The following CSMD1 variants were observed in gnomAD, a reference collection of about 807,000 sequenced individuals.
The protein encoded by CSMD1 is CUB and sushi domain-containing protein 1.
In CSMD1, 213 loss-of-function variants were observed where a neutral mutation model predicts 417.5. The ratio of observed to expected loss-of-function variants is 0.51; its 90% CI spans 0.46 to 0.57. CSMD1 has a LOEUF of 0.57. CSMD1 is among the 20% of genes least tolerant of loss of function. The pLI is 0.00. For synonymous variants in CSMD1, 2,862 were observed against 1,736.8 expected (o/e 1.65, Z -16.11); for missense variants, 6,923 against 4,529.7 (o/e 1.53, Z -15.17).
At chr8:4,451,807 G>T (rs1031492396) in intron 2 of CSMD1, among the ~76,000 whole-genome samples, 1 of 152,088 alleles carries the variant, frequency 6.6e-6, no homozygotes. Flanking sequence ...CATCTTAAAG[G>T]ATGGGCTCTT....
At chr8:4,163,380 T>A (rs757960890) in intron 3 of CSMD1, among the ~76,000 whole-genome samples, 1 of 152,212 alleles carries the variant, frequency 6.6e-6, no homozygotes, top group Non-Finnish European at 1.5e-5. Flanking sequence ...TTACTCCATA[T>A]CCAAGACAGC....
At chr8:4,845,420 G>C (rs751816826) in intron 1 of CSMD1, among the ~76,000 whole-genome samples, 1 of 152,172 alleles carries the variant, frequency 6.6e-6, no homozygotes, top group Non-Finnish European at 1.5e-5. Flanking sequence ...CTCTCATTGA[G>C]AACTTGAATC....
At chr8:3,704,517 G>C (rs903563308) in intron 7 of CSMD1, among the ~76,000 whole-genome samples, 1 of 152,192 alleles carries the variant, frequency 6.6e-6, no homozygotes, top group African/African-American at 2.4e-5. Flanking sequence ...GATTAGAAAA[G>C]TGACTCAAAC....
chr8:3,894,723 C>A (rs368844603), intron 5 of CSMD1, among the ~76,000 whole-genome samples: 4 of 152,124 alleles, frequency 2.6e-5, no homozygotes, highest in African/African-American at 9.7e-5. Flanking sequence ...GAATTAGTTT[C>A]TTGATTAACT....
chr8:3,201,572 T>C (rs1325361885), intron 32 of CSMD1, 40 bp downstream of exon 32: 3 of 1,098,736 alleles, frequency 2.7e-6, no homozygotes, highest in Non-Finnish European at 2.7e-6. Flanking sequence ...TCCCCCTAGC[T>C]GTCTGAACTA....
chr8:3,628,418 G>A (rs972707911), intron 7 of CSMD1, among the ~76,000 whole-genome samples: 2 of 152,126 alleles, frequency 1.3e-5, no homozygotes, highest in Non-Finnish European at 2.9e-5. Context: ...GCCCAAATAG[G>A]GCAAGGCTTC....
chr8:3,535,755 C>T (rs574728853), intron 10 of CSMD1, among the ~76,000 whole-genome samples: 1 of 152,142 alleles, frequency 6.6e-6, no homozygotes, highest in Non-Finnish European at 1.5e-5. Context: ...TTATGTAGTG[C>T]TTGGCAGTTC....
At chr8:3,361,801 T>C (rs1809201246) in intron 20 of CSMD1, among the ~76,000 whole-genome samples, 1 of 152,184 alleles carries the variant, frequency 6.6e-6, no homozygotes, top group Non-Finnish European at 1.5e-5. Flanking sequence ...CTATATATTG[T>C]AGTTTATACA....
At chr8:4,154,459 G>C (rs992818615) in intron 3 of CSMD1, among the ~76,000 whole-genome samples, 1 of 152,094 alleles carries the variant, frequency 6.6e-6, no homozygotes, top group Non-Finnish European at 1.5e-5. Flanking sequence ...AAATCAATGG[G>C]TATCTGTGGA....
chr8:4,790,103 C>A (rs1039708664), intron 1 of CSMD1, among the ~76,000 whole-genome samples: 5 of 152,110 alleles, frequency 3.3e-5, no homozygotes, highest in African/African-American at 1.2e-4. Flanking sequence ...ATACTAAGCT[C>A]CATCACTTGT....
rs530269072 is a variant in CSMD1, at chr8:4,069,469, A to G, written c.416-37370T>C. Among the ~76,000 whole-genome samples the G allele has an allele frequency of 1.4e-4, 21 of 152,246 alleles. 1 individual carries two copies. In the South Asian group the frequency reaches 4.1e-3, roughly 30 times the overall value. On this transcript the variant is annotated intron_variant, in intron 3 of 69. Transcript: ENST00000635120. ...AATACAGTTTTGTCTTTCGCAGGATATTATCTCTAGGTAAGTAAATGTGCA... is the reference window on the plus strand; with the variant it reads ...AATACAGTTTTGTCTTTCGCAGGATGTTATCTCTAGGTAAGTAAATGTGCA...
At chr8:3,801,786 G>A (rs540466809) in intron 5 of CSMD1, among the ~76,000 whole-genome samples, 11 of 152,078 alleles carry the variant, frequency 7.2e-5, no homozygotes, top group African/African-American at 2.2e-4. Flanking sequence ...AGCATTTTAC[G>A]GGTCATTAAA....
At chr8:3,785,069 G>T (rs928041268) in intron 5 of CSMD1, among the ~76,000 whole-genome samples, 1 of 152,172 alleles carries the variant, frequency 6.6e-6, no homozygotes, top group African/African-American at 2.4e-5. Flanking sequence ...CCCCTCAATA[G>T]CATAGTGGAC....
At chr8:3,402,908 G>C (rs895269169) in intron 15 of CSMD1, among the ~76,000 whole-genome samples, 1 of 151,732 alleles carries the variant, frequency 6.6e-6, no homozygotes, top group Non-Finnish European at 1.5e-5. Flanking sequence ...AGGACTTAAA[G>C]ATAGACATTT....
chr8:3,881,405 G>A (rs954569248), intron 5 of CSMD1, among the ~76,000 whole-genome samples: 5 of 151,474 alleles, frequency 3.3e-5, no homozygotes, highest in Non-Finnish European at 7.4e-5. Flanking sequence ...GGAGGCCGAG[G>A]CAGGCAGATC....
intron 10 of CSMD1, among the ~76,000 whole-genome samples, chr8:3,504,883 G>GAAAATTTCTGAAGC (rs1796757953): frequency 6.6e-6 from 1 of 152,116 alleles, no homozygotes; most frequent in Admixed American, 6.5e-5. Context: ...ATGTGGCAAG[G>GAAAATTTCTGAAGC]AAAATTTCTG....
chr8:4,449,931 A>G (rs1421371472), intron 2 of CSMD1, among the ~76,000 whole-genome samples: 2 of 152,188 alleles, frequency 1.3e-5, no homozygotes, highest in African/African-American at 4.8e-5. Context: ...CCCAATACAC[A>G]GAAGATGCTC....
In CSMD1 at chr8:3,081,176, G is replaced by A. The variant is rs1585299944; in HGVS notation, c.7474+5921C>T. Among the ~76,000 whole-genome samples the A allele has an allele frequency of 3.3e-5, 5 of 152,264 alleles. No individual in the cohort carries two copies. The East Asian group carries it at 7.7e-4, about 23-fold the overall frequency. On this transcript the variant is annotated intron_variant, in intron 49 of 69. Coordinates refer to ENST00000635120, the MANE Select transcript of CSMD1 (RefSeq NM_033225.6). Reference sequence around the variant, plus strand: ...GCCTAAAAGAGAATGAGCTCAACGTGCCAGGTTTGATCTTGCTCATTTACT... The same window carrying A: ...GCCTAAAAGAGAATGAGCTCAACGTACCAGGTTTGATCTTGCTCATTTACT...
chr8:3,214,797 C>A (rs1322842386), intron 29 of CSMD1, 106 bp from the exon 30 acceptor site: 4 of 739,726 alleles, frequency 5.4e-6, no homozygotes, highest in African/African-American at 5.3e-5. Flanking sequence ...GGGCCTAGAA[C>A]AATGTCCTAA....
Sources: gnomAD v4.1 joint callset for allele counts (sites outside exome capture counted in the v4.1 genomes callset) on GRCh38, gnomAD v4.1.1 for gene constraint, MANE v1.5 for transcripts, NCBI Gene and HGNC (gene_info 2026-07-23, HGNC 2026-07-21) for gene names.